PCDHGB6: variants seen among roughly 807,000 people sequenced by gnomAD.
PCDHGB6 encodes the protein protocadherin gamma-B6.
Under a neutral mutation model 59.1 loss-of-function variants are expected in PCDHGB6, and 51 were observed. The ratio of observed to expected loss-of-function variants is 0.86; its 90% confidence interval spans 0.69 to 1.09. PCDHGB6 has a LOEUF of 1.09. Among genes scored for constraint, PCDHGB6 ranks in the 50% least tolerant of loss-of-function variants. PCDHGB6 has a pLI of 0.00. For missense variants in PCDHGB6, 1,148 were observed against 1,205.1 expected, an observed-to-expected ratio of 0.95 and a Z score of 0.70; for synonymous variants, 466 against 495.1, an observed-to-expected ratio of 0.94 and a Z score of 0.78.
intron 1 of PCDHGB6, among the ~76,000 whole-genome samples, chr5:141,473,383 C>A (rs976400317): frequency 3.3e-5 from 5 of 152,200 alleles, no homozygotes; most frequent in African/African-American, 9.6e-5. Context: ...GGTCCCTGCC[C>A]TCCTGGAGCT....
Position 141,431,112 on chromosome 5 carries a change from GAGTAGA to G in PCDHGB6, c.2418+20503_2418+20508del, listed in dbSNP as rs764068262. On this transcript the variant is annotated intron_variant, in intron 1 of 3. Transcript: ENST00000520790. The surrounding 1 kb of genome is among the most constrained non-coding windows in gnomAD (Gnocchi z 4.8). ...ATGGAGGATAAAGTGAAAATATATG[GAGTAGA>G]AGTAGAAGTAAGGGACATTAACGAC... The G allele has an allele frequency of 1.7e-5, 28 of 1,614,128 alleles. No individual in the cohort carries two copies. The highest frequency in any genetic ancestry group is 3.3e-5 in the South Asian group (3 of 91,092).
intron 1 of PCDHGB6, among the ~76,000 whole-genome samples, chr5:141,444,771 T>C (rs987549188): frequency 6.6e-6 from 1 of 152,246 alleles, no homozygotes; most frequent in African/African-American, 2.4e-5. Context: ...TTCTATATTC[T>C]TGATCATGTT....
At position 141,409,520 on chromosome 5, in the gene PCDHGB6, T is replaced by TTG. The variant is rs767613304; in HGVS notation, c.1320_1321dup (p.Tyr441CysfsTer35). On this transcript the variant is annotated frameshift_variant, in exon 1 of 4. Coordinates refer to ENST00000520790, the MANE Select transcript of PCDHGB6 (RefSeq NM_018926.3). LOFTEE classifies it high-confidence loss of function. ...TCTTTCTTCCAGTAGAAGCATCACCTTGTATGTCGCTGACATCAACGACAA... is the reference window on the plus strand; with the variant it reads ...TCTTTCTTCCAGTAGAAGCATCACCTTGTGTATGTCGCTGACATCAACGACAA... The TTG allele has an allele frequency of 1.2e-6, 2 of 1,613,966 alleles. No homozygotes were observed. The highest frequency in any genetic ancestry group is 4.5e-5 in the East Asian group (2 of 44,880).
chr5:141,495,982 T>C (rs2099765062), intron 2 of PCDHGB6, among the ~76,000 whole-genome samples: 2 of 152,144 alleles, frequency 1.3e-5, no homozygotes. Context: ...TACTCTTTCT[T>C]TATCTCTCTT....
intron 1 of PCDHGB6, among the ~76,000 whole-genome samples, chr5:141,458,227 G>T (rs2154566190): frequency 6.6e-6 from 1 of 152,284 alleles, no homozygotes; most frequent in South Asian, 2.1e-4. Context: ...TCCTTTCCCA[G>T]TCCATGCACC....
At chr5:141,501,423 A>G (rs1195105794) in intron 2 of PCDHGB6, among the ~76,000 whole-genome samples, 4 of 151,966 alleles carry the variant, frequency 2.6e-5, no homozygotes, top group African/African-American at 7.2e-5. Flanking sequence ...AGTTGACTAA[A>G]TGTAGTCCAT....
chr5:141,408,909 A>G lies in PCDHGB6; in HGVS notation c.707A>G (p.Asn236Ser), dbSNP rs746399377. The change falls in exon 1 of 4, where the codon AAT becomes AGT. Residue 236 changes from asparagine (N) to serine (S), a missense_variant. Asn to Ser is a conservative substitution (Grantham distance 46, BLOSUM62 1). Transcript: ENST00000520790. The part of the protein sequence containing the change: ...AHIEISVKDT[N>S]DNPPVFSRDE... ...ATAGAAATTTCTGTCAAGGATACCA[A>G]TGATAACCCCCCGGTTTTCAGCAGA... 1.3e-5 allele frequency: 21 copies of G among 1,613,442 alleles called. No individual in the cohort carries two copies. In the East Asian group the frequency reaches 2.5e-4, roughly 19 times the overall value.
chr5:141,410,080 G>A lies in PCDHGB6; in HGVS notation c.1878G>A (p.Val626=), dbSNP rs758499736. ...LFSLGLRTGE[V]RTARALGDRD... is the part of the protein sequence containing the mutation. Reference sequence around the variant, plus strand: ...GCCTGGGGCTGCGCACTGGGGAGGTGCGCACGGCTCGAGCCTTAGGCGACA... The same window carrying A: ...GCCTGGGGCTGCGCACTGGGGAGGTACGCACGGCTCGAGCCTTAGGCGACA... The change falls in exon 1 of 4, where the codon GTG becomes GTA. Residue 626 remains valine (V), a synonymous_variant. Coordinates refer to ENST00000520790, the MANE Select transcript of PCDHGB6 (RefSeq NM_018926.3). 2 of 1,612,672 alleles carry A rather than the reference G, an allele frequency of 1.2e-6. No homozygotes were observed. Among genetic ancestry groups the A allele is most frequent in the African/African-American group, 2.7e-5 (2 of 74,932 alleles).
Position 141,485,434 on chromosome 5 carries a change from G to T in PCDHGB6, c.2419-9373G>T. The stretch of plus-strand genomic sequence containing the variant: ...TGGACAGCGGAGCCCTGCTCATCAA[G>T]AACCCAATCGACCGAGAGGCACTGT... On this transcript the variant is annotated intron_variant, in intron 1 of 3. Transcript: ENST00000520790. This position sits in a 1 kb window ranked among gnomAD's most constrained non-coding sequence, Gnocchi z 5.7. The T allele has an allele frequency of 6.2e-7, 1 of 1,614,166 alleles. No homozygotes were observed. The highest frequency in any genetic ancestry group is 1.6e-4 in the Middle Eastern group (1 of 6,062).
chr5:141,415,953 T>C, intron 1 of PCDHGB6: 3 of 486,080 alleles, frequency 6.2e-6, no homozygotes, highest in Non-Finnish European at 9.4e-6. Context: ...TGGTCACATA[T>C]TGAAACTCCA....
At chr5:141,414,878 A>G in intron 1 of PCDHGB6, 2 of 1,614,026 alleles carry the variant, frequency 1.2e-6, no homozygotes, top group Non-Finnish European at 1.7e-6. Context: ...GAGATCCTGT[A>G]CCCCGCCCTC....
At chr5:141,439,124 CAG>C (rs2098089371) in intron 1 of PCDHGB6, among the ~76,000 whole-genome samples, 1 of 150,004 alleles carries the variant, frequency 6.7e-6, no homozygotes, top group Non-Finnish European at 1.5e-5. Flanking sequence ...ACCCGGGAGA[CAG>C]AGGTTGCAGT....
Position 141,490,629 on chromosome 5 carries a change from C to T in PCDHGB6, c.2419-4178C>T, listed in dbSNP as rs1174984711. 1.2e-6 allele frequency: 2 copies of T among 1,614,214 alleles called. No individual in the cohort carries two copies. Among genetic ancestry groups the T allele is most frequent in the East Asian group, 2.2e-5 (1 of 44,882 alleles). On this transcript the variant is annotated intron_variant, in intron 1 of 3. Coordinates refer to ENST00000520790, the MANE Select transcript of PCDHGB6 (RefSeq NM_018926.3). This position sits in a 1 kb window ranked among gnomAD's most constrained non-coding sequence, Gnocchi z 5.4. ...ACCAGCAGCTTTACACTGCTTACAT[C>T]CTAGAAAACCGGCCTCCGGGCTCCC...
At position 141,429,387 on chromosome 5, in the gene PCDHGB6, TAAAAA is replaced by T. The variant is rs11410533; in HGVS notation, c.2418+18771_2418+18775del. On this transcript the variant is annotated intron_variant, in intron 1 of 3. Transcript: ENST00000520790. ...AAATGGAGAAAATGTGTTTTTTTTT[TAAAAA>T]AAATTGAGATTAAGGTCTCATTATG... 8.8e-4 allele frequency among the ~76,000 whole-genome samples: 134 copies of T among 151,448 alleles called. 1 individual carries two copies. Among genetic ancestry groups the T allele is most frequent in the Non-Finnish European group, 1.5e-3 (103 of 67,818 alleles).
chr5:141,490,184 TC>T lies in PCDHGB6; in HGVS notation c.2419-4622del, dbSNP rs1293752541. The T allele has an allele frequency of 1.2e-6, 2 of 1,614,196 alleles. No individual in the cohort carries two copies. The highest frequency in any genetic ancestry group is 1.7e-6 in the Non-Finnish European group (2 of 1,180,030). On this transcript the variant is annotated intron_variant, in intron 1 of 3. Coordinates refer to ENST00000520790, the MANE Select transcript of PCDHGB6 (RefSeq NM_018926.3). This position sits in a 1 kb window ranked among gnomAD's most constrained non-coding sequence, Gnocchi z 5.4. The stretch of plus-strand genomic sequence containing the variant: ...CCCATAGACTTTGAGGAGTCACGTT[TC>T]TATGAAATTCATGCAAGAGCCCGTG...
intron 2 of PCDHGB6, among the ~76,000 whole-genome samples, chr5:141,495,223 G>T (rs924599140): frequency 6.6e-6 from 1 of 152,208 alleles, no homozygotes; most frequent in South Asian, 2.1e-4. Flanking sequence ...CCTGAGTTGA[G>T]CTGGGCTCCA....
chr5:141,417,112 G>T (rs1399534957), intron 1 of PCDHGB6: 3 of 152,030 alleles, frequency 2.0e-5, no homozygotes, highest in African/African-American at 7.3e-5. Flanking sequence ...AGCAATACAG[G>T]ACACCCTGGA....
intron 1 of PCDHGB6, chr5:141,421,778 G>C (rs756566609): frequency 6.2e-7 from 1 of 1,613,844 alleles, no homozygotes; most frequent in Non-Finnish European, 8.5e-7. Context: ...TTGCAACTGC[G>C]GGGCAGAACG....
chr5:141,489,229 G>A lies in PCDHGB6; in HGVS notation c.2419-5578G>A, dbSNP rs1188849525. 5.9e-6 allele frequency: 9 copies of A among 1,522,134 alleles called. No homozygotes were observed. In the Admixed American group the frequency reaches 6.4e-5, roughly 11 times the overall value. 94.3% of individuals were successfully genotyped at this position (1,522,134 alleles called of 1,614,324 possible). On this transcript the variant is annotated intron_variant, in intron 1 of 3. Transcript: ENST00000520790. The surrounding 1 kb of genome is among the most constrained non-coding windows in gnomAD (Gnocchi z 4.5). The stretch of plus-strand genomic sequence containing the variant: ...AGCACAGACTTACTCTCCACAAAGG[G>A]ACTTCTGGGTCATGGGGCCCAAGAC...
Sources: gnomAD v4.1 joint callset for allele counts (sites outside exome capture counted in the v4.1 genomes callset) on GRCh38, gnomAD v4.1.1 for gene constraint, Gnocchi (gnomAD v3.1) non-coding constraint, MANE v1.5 for transcripts, NCBI Gene and HGNC (gene_info 2026-07-23, HGNC 2026-07-21) for gene names.